The following RAB3IP variants were observed in gnomAD, a reference collection of about 807,000 sequenced individuals.
RAB3IP encodes rab-3A-interacting protein.
In RAB3IP, 36 loss-of-function variants were observed where a neutral mutation model predicts 59.1. The observed-to-expected ratio is 0.61, with a 90% CI of 0.47 to 0.80. The LOEUF is 0.80. Ranked by LOEUF, RAB3IP falls within the 30% of genes least tolerant of loss-of-function variation. RAB3IP has a pLI of 0.00. For synonymous variants in RAB3IP, 207 were observed against 191.2 expected (o/e 1.08, Z -0.68); for missense variants, 511 against 536.0 (o/e 0.95, Z 0.46).
At chr12:69,770,185 AATGATGAAGTCTTGG>A (rs1409147681) in intron 3 of RAB3IP, among the ~76,000 whole-genome samples, 1 of 152,202 alleles carries the variant, frequency 6.6e-6, no homozygotes, top group Non-Finnish European at 1.5e-5. Context: ...TTTTCTAAAA[AATGATGAAGTCTTGG>A]ATTTGATGAA....
intron 8 of RAB3IP, among the ~76,000 whole-genome samples, chr12:69,809,227 C>G (rs967357048): frequency 4.0e-5 from 6 of 151,688 alleles, no homozygotes; most frequent in Admixed American, 6.6e-5. Flanking sequence ...GAATATTGGC[C>G]CTCACTCTCT....
In RAB3IP at chr12:69,821,100, C is replaced by T. The variant is rs959057426; in HGVS notation, c.*5654C>T. On this transcript the variant is annotated 3_prime_UTR_variant, in exon 11 of 11. Coordinates refer to ENST00000247833, the MANE Select transcript of RAB3IP (RefSeq NM_022456.5). ...TTACTTTTGGAGGAACGTCTGAGGT[C>T]ATGAGGACTAGATTCTAGAGCTACA... is the stretch of plus-strand genomic sequence containing the variant. 1 of 152,168 alleles carries T rather than the reference C, an allele frequency of 6.6e-6. No homozygotes were observed. The highest frequency in any genetic ancestry group is 1.5e-5 in the Non-Finnish European group (1 of 68,060). 9.4% of individuals were successfully genotyped at this position (152,168 alleles called of 1,614,324 possible).
chr12:69,759,585 C>T (rs567864229), intron 3 of RAB3IP, among the ~76,000 whole-genome samples: 1 of 151,628 alleles, frequency 6.6e-6, no homozygotes. Flanking sequence ...TCCGACCTCC[C>T]GGACGGGGCG....
At chr12:69,783,261 G>T (rs540356778) in intron 3 of RAB3IP, among the ~76,000 whole-genome samples, 1 of 152,118 alleles carries the variant, frequency 6.6e-6, no homozygotes, top group Non-Finnish European at 1.5e-5. Context: ...CCTTTGTCTC[G>T]TAGGTAATCC....
At chr12:69,810,497 A>G (rs1177894959) in intron 8 of RAB3IP, among the ~76,000 whole-genome samples, 2 of 152,192 alleles carry the variant, frequency 1.3e-5, no homozygotes, top group Non-Finnish European at 2.9e-5. Context: ...AGCTGTTCCT[A>G]TTCGGCCATC....
In RAB3IP at chr12:69,780,899, A is replaced by G. The variant is rs144169018; in HGVS notation, c.511-3821A>G. Among the ~76,000 whole-genome samples, 500 of 152,002 alleles carry G rather than the reference A, an allele frequency of 3.3e-3. 5 individuals are homozygous for G. The highest frequency in any genetic ancestry group is 0.011 in the African/African-American group (449 of 41,454). On this transcript the variant is annotated intron_variant, in intron 3 of 10. Transcript: ENST00000247833. Reference sequence around the variant, plus strand: ...TTTATATATCTTAAAAGTTCTTTATATACTACCTTTGTTTCCTGCCATAAA... The same window carrying G: ...TTTATATATCTTAAAAGTTCTTTATGTACTACCTTTGTTTCCTGCCATAAA...
chr12:69,807,274 G>A (rs1411005706), intron 8 of RAB3IP, among the ~76,000 whole-genome samples: 2 of 148,790 alleles, frequency 1.3e-5, no homozygotes, highest in Non-Finnish European at 3.0e-5. Context: ...CTCCCAGACG[G>A]GGCAGCCGGG....
At chr12:69,768,300 C>G (rs2136165696) in intron 3 of RAB3IP, among the ~76,000 whole-genome samples, 1 of 152,258 alleles carries the variant, frequency 6.6e-6, no homozygotes, top group Middle Eastern at 3.4e-3. Context: ...GCTACTGATT[C>G]AGGTGAGTGG....
chr12:69,756,411 T>C lies in RAB3IP; in HGVS notation c.258T>C (p.His86=). ...ATGTCTCTCTCCTTTACAGCTTTCA[T>C]GTTACAGACCCAGCCCCTTGCTCTA... ...NCAEISSISF[H]VTDPAPCSTS... The change falls in exon 3 of 11, where the codon CAT becomes CAC. Residue 86 remains histidine, a synonymous_variant. Coordinates refer to ENST00000247833, the MANE Select transcript of RAB3IP (RefSeq NM_022456.5). 1 of 1,613,446 alleles carries C rather than the reference T, an allele frequency of 6.2e-7. No homozygotes were observed. Among genetic ancestry groups the C allele is most frequent in the Non-Finnish European group, 8.5e-7 (1 of 1,179,790 alleles).
chr12:69,781,427 C>T (rs1874688421), intron 3 of RAB3IP, among the ~76,000 whole-genome samples: 1 of 152,130 alleles, frequency 6.6e-6, no homozygotes, highest in East Asian at 1.9e-4. Context: ...TGGTGTTGTA[C>T]ATGCTGTGGA....
chr12:69,792,356 A>G (rs1218666526), intron 4 of RAB3IP, among the ~76,000 whole-genome samples: 1 of 152,170 alleles, frequency 6.6e-6, no homozygotes, highest in Non-Finnish European at 1.5e-5. Context: ...AAACAAAATG[A>G]TATGTATATT....
rs945996480 is a variant in RAB3IP, at chr12:69,817,330, T to C, written c.*1884T>C. The C allele has an allele frequency of 1.3e-5, 2 of 152,066 alleles. No individual in the cohort carries two copies. The highest frequency in any genetic ancestry group is 2.9e-5 in the Non-Finnish European group (2 of 68,014). 9.4% of individuals were successfully genotyped at this position (152,066 alleles called of 1,614,324 possible). ...TTAATGCAACAGGATGACGACTTGA[T>C]GTAGAAACTATATGTGGAATTATAG... is the stretch of plus-strand genomic sequence containing the variant. On this transcript the variant is annotated 3_prime_UTR_variant, in exon 11 of 11. Transcript: ENST00000247833.
chr12:69,788,446 A>C (rs557544466), intron 4 of RAB3IP, among the ~76,000 whole-genome samples: 1 of 152,282 alleles, frequency 6.6e-6, no homozygotes, highest in Admixed American at 6.5e-5. Flanking sequence ...AAGTAAAAAT[A>C]AATATGGTAT....
At chr12:69,766,727 T>C (rs2136160938) in intron 3 of RAB3IP, among the ~76,000 whole-genome samples, 2 of 152,246 alleles carry the variant, frequency 1.3e-5, no homozygotes, top group South Asian at 4.1e-4. Context: ...GGTTTCACCA[T>C]GTTGGCCAGG....
At chr12:69,780,086 A>G (rs1175473160) in intron 3 of RAB3IP, among the ~76,000 whole-genome samples, 1 of 152,148 alleles carries the variant, frequency 6.6e-6, no homozygotes, top group African/African-American at 2.4e-5. Context: ...CACGAAGATG[A>G]CATGGTGCTC....
At chr12:69,760,891 T>G (rs922155177) in intron 3 of RAB3IP, among the ~76,000 whole-genome samples, 8 of 152,196 alleles carry the variant, frequency 5.3e-5, no homozygotes, top group Admixed American at 2.0e-4. Flanking sequence ...TCTTCAGCTT[T>G]CTTATGTTTG....
At chr12:69,782,319 C>T (rs1399774842) in intron 3 of RAB3IP, among the ~76,000 whole-genome samples, 1 of 152,174 alleles carries the variant, frequency 6.6e-6, no homozygotes, top group African/African-American at 2.4e-5. Flanking sequence ...CACGCGCCAC[C>T]ATGCGTGGCT....
At position 69,756,637 on chromosome 12, in the gene RAB3IP, A is replaced by C; in HGVS notation, c.484A>C (p.Lys162Gln). The C allele has an allele frequency of 6.2e-7, 1 of 1,613,776 alleles. No homozygotes were observed. Among genetic ancestry groups the C allele is most frequent in the Non-Finnish European group, 8.5e-7 (1 of 1,179,852 alleles). ...TAGAGAAAAGGGCTATGAACGATTA[A>C]AAGAAGAACTCGCAAAAGCTCAGAG... ...EVREKGYERL[K>Q]EELAKAQREL... The change falls in exon 3 of 11, where the codon AAA (lysine) becomes CAA (glutamine). Residue 162 changes from lysine to glutamine, a missense_variant. Physicochemically the swap from Lys to Gln is moderately conservative, Grantham distance 53. Coordinates refer to ENST00000247833, the MANE Select transcript of RAB3IP (RefSeq NM_022456.5).
At chr12:69,763,493 T>A (rs1164568562) in intron 3 of RAB3IP, among the ~76,000 whole-genome samples, 1 of 152,244 alleles carries the variant, frequency 6.6e-6, no homozygotes, top group Non-Finnish European at 1.5e-5. Flanking sequence ...CACCTCTTGG[T>A]AGCCATTGCT....
Sources: allele counts gnomAD v4.1 joint callset (sites outside exome capture counted in the v4.1 genomes callset), GRCh38; gene constraint gnomAD v4.1.1; transcripts MANE v1.5; gene names NCBI Gene and HGNC (gene_info 2026-07-23, HGNC 2026-07-21).